XIRP2: variants seen among roughly 807,000 people sequenced by gnomAD.
The protein encoded by XIRP2 is xin actin binding repeat containing 2.
In XIRP2, 236 loss-of-function variants were observed where a neutral mutation model predicts 277.0. The ratio of observed to expected loss-of-function variants is 0.85; its 90% CI spans 0.77 to 0.95. The LOEUF (loss-of-function observed/expected upper bound fraction) is 0.95, where lower values mean the gene tolerates loss of function less well. XIRP2 is among the 40% of genes least tolerant of loss of function. The pLI is 0.00. For missense variants in XIRP2, 4,640 were observed against 4,157.5 expected, an observed-to-expected ratio of 1.12 and a Z score of -3.19; for synonymous variants, 1,490 against 1,416.5, an observed-to-expected ratio of 1.05 and a Z score of -1.17.
intron 3 of XIRP2, among the ~76,000 whole-genome samples, chr2:167,173,921 G>A (rs1258689938): frequency 2.0e-5 from 3 of 152,096 alleles, no homozygotes; most frequent in Non-Finnish European, 4.4e-5. Context: ...GTTTGGCTGT[G>A]TCAACCATAT....
chr2:167,052,742 G>A (rs1358656333), intron 2 of XIRP2, among the ~76,000 whole-genome samples: 1 of 152,016 alleles, frequency 6.6e-6, no homozygotes, highest in Non-Finnish European at 1.5e-5. Flanking sequence ...AAAAATAATC[G>A]ATAGTGGAAA....
intron 9 of XIRP2, among the ~76,000 whole-genome samples, chr2:167,253,370 CA>C (rs1487997553): frequency 1.3e-5 from 2 of 151,424 alleles, no homozygotes; most frequent in African/African-American, 4.8e-5. Flanking sequence ...TGCGAGAATC[CA>C]AAAAGCTCCA....
intron 2 of XIRP2, among the ~76,000 whole-genome samples, chr2:167,087,605 G>C (rs1206758788): frequency 7.0e-6 from 1 of 142,978 alleles, no homozygotes; most frequent in Non-Finnish European, 1.6e-5. Flanking sequence ...CTCCATGGGC[G>C]TAGGACCCTC....
intron 2 of XIRP2, among the ~76,000 whole-genome samples, chr2:167,130,049 C>G (rs1691329591): frequency 6.6e-6 from 1 of 152,086 alleles, no homozygotes; most frequent in Non-Finnish European, 1.5e-5. Context: ...ACCAGTACCT[C>G]TGGAACTGCC....
chr2:167,157,120 A>G (rs1429657733), intron 3 of XIRP2, among the ~76,000 whole-genome samples: 3 of 152,104 alleles, frequency 2.0e-5, no homozygotes, highest in Non-Finnish European at 4.4e-5. Context: ...TGAGTGCACT[A>G]AAATCATGGG....
At chr2:166,965,793 G>T (rs535066709) in intron 2 of XIRP2, among the ~76,000 whole-genome samples, 1 of 151,838 alleles carries the variant, frequency 6.6e-6, no homozygotes, top group African/African-American at 2.4e-5. Context: ...ATCTTGCTAA[G>T]GTTGGTCTGA....
chr2:167,114,846 G>T (rs1409612235), intron 2 of XIRP2, among the ~76,000 whole-genome samples: 1 of 152,070 alleles, frequency 6.6e-6, no homozygotes, highest in African/African-American at 2.4e-5. Context: ...GTCTATCATT[G>T]TTGGACATTT....
chr2:167,015,611 A>G (rs1484040720), intron 2 of XIRP2, among the ~76,000 whole-genome samples: 2 of 151,388 alleles, frequency 1.3e-5, no homozygotes. Flanking sequence ...TCCAAATCCT[A>G]CTCTTTAAGC....
chr2:167,100,347 T>C (rs1690454654), intron 2 of XIRP2, among the ~76,000 whole-genome samples: 1 of 152,182 alleles, frequency 6.6e-6, no homozygotes, highest in Non-Finnish European at 1.5e-5. Context: ...TTTGTCAAGG[T>C]GCATACATCA....
chr2:166,931,695 T>C (rs763745252), intron 2 of XIRP2, among the ~76,000 whole-genome samples: 2 of 152,196 alleles, frequency 1.3e-5, no homozygotes, highest in Non-Finnish European at 2.9e-5. Flanking sequence ...GTTGTTTTCA[T>C]TGTTTTACTA....
Position 166,988,489 on chromosome 2 carries a change from G to A in XIRP2, c.408+84599G>A, listed in dbSNP as rs577274013. ...AAGATGGCCGAATAGGAACAGCTCC[G>A]GTCTACAGCTCCCAGCGTGAGCGAC... On this transcript the variant is annotated intron_variant, in intron 2 of 10. Coordinates refer to ENST00000409195, the MANE Select transcript of XIRP2 (RefSeq NM_152381.6). Among the ~76,000 whole-genome samples, 24 of 134,278 alleles carry A rather than the reference G, an allele frequency of 1.8e-4. No individual in the cohort carries two copies. In the South Asian group the frequency reaches 1.9e-3, roughly 11 times the overall value. 88.1% of individuals were successfully genotyped at this position (134,278 alleles called of 152,430 possible). A position where few individuals can be genotyped will look rare whatever the true frequency, so the allele number is the denominator to read the frequency against.
intron 2 of XIRP2, among the ~76,000 whole-genome samples, chr2:167,018,273 C>G (rs1018928478): frequency 3.9e-5 from 6 of 152,020 alleles, no homozygotes; most frequent in African/African-American, 1.4e-4. Flanking sequence ...GGCACTGGTC[C>G]TCTACCTTTG....
chr2:166,935,455 G>A (rs1469470390), intron 2 of XIRP2, among the ~76,000 whole-genome samples: 1 of 143,640 alleles, frequency 7.0e-6, no homozygotes, highest in Non-Finnish European at 1.5e-5. Flanking sequence ...GGGTACATGT[G>A]CACAACGTGC....
chr2:166,934,195 C>CAAAAAAAA (rs750753001), intron 2 of XIRP2, among the ~76,000 whole-genome samples: 19 of 71,552 alleles, frequency 2.7e-4, no homozygotes, highest in Admixed American at 3.3e-4. Context: ...AAATCAACAG[C>CAAAAAAAA]AAAAAAAAAA....
chr2:167,154,576 A>C (rs2105334646), intron 3 of XIRP2, among the ~76,000 whole-genome samples: 1 of 152,138 alleles, frequency 6.6e-6, no homozygotes, highest in African/African-American at 2.4e-5. Flanking sequence ...ATCTGAATTA[A>C]TTTTTGTATA....
In XIRP2 at chr2:167,178,052, A is replaced by G. The variant is rs373325179; in HGVS notation, c.563-32683A>G. Among the ~76,000 whole-genome samples, 34 of 152,158 alleles carry G rather than the reference A, an allele frequency of 2.2e-4. No homozygotes were observed. In the East Asian group the frequency reaches 6.4e-3, roughly 28 times the overall value. On this transcript the variant is annotated intron_variant, in intron 3 of 10. Transcript: ENST00000409195. ...CAGTAAAAACAAAAAAAAAAAAAGC[A>G]AATGTGGAGCACTGGGTATATAATT...
At chr2:167,206,845 T>C (rs1257791825) in intron 3 of XIRP2, among the ~76,000 whole-genome samples, 1 of 152,214 alleles carries the variant, frequency 6.6e-6, no homozygotes, top group Non-Finnish European at 1.5e-5. Context: ...TTGAAAGTAA[T>C]AGGAAATATT....
chr2:167,026,000 TG>T (rs1688144477), intron 2 of XIRP2, among the ~76,000 whole-genome samples: 1 of 152,140 alleles, frequency 6.6e-6, no homozygotes, highest in African/African-American at 2.4e-5. Context: ...GTTCAATTCC[TG>T]GGTATCCTTG....
intron 1 of XIRP2, chr2:166,889,840 T>G (rs1259148847): frequency 3.0e-5 from 3 of 101,324 alleles, no homozygotes; most frequent in African/African-American, 5.7e-5. Flanking sequence ...TTCCCCTTTT[T>G]GGGGTAAGCC....
Sources: gnomAD v4.1 joint callset for allele counts (sites outside exome capture counted in the v4.1 genomes callset) on GRCh38, gnomAD v4.1.1 for gene constraint, MANE v1.5 for transcripts, NCBI Gene and HGNC (gene_info 2026-07-23, HGNC 2026-07-21) for gene names.